Variants in FRMD8 observed in about 807,000 individuals in gnomAD.
FRMD8 encodes the protein FERM domain-containing protein 8.
In FRMD8, 37 loss-of-function variants were observed where a neutral mutation model predicts 54.2. The ratio of observed to expected loss-of-function variants is 0.68; its 90% CI spans 0.53 to 0.90. The LOEUF (loss-of-function observed/expected upper bound fraction) is 0.90, where lower values mean the gene tolerates loss of function less well. Among genes scored for constraint, FRMD8 ranks in the 40% least tolerant of loss-of-function variants. FRMD8 has a pLI of 0.00. For synonymous variants in FRMD8, 246 were observed against 286.9 expected (o/e 0.86, Z 1.44); for missense variants, 585 against 653.7 (o/e 0.89, Z 1.15).
intron 2 of FRMD8, 145 bp downstream of exon 2, chr11:65,387,266 CAGA>C: frequency 1.3e-6 from 1 of 782,386 alleles, no homozygotes; most frequent in Middle Eastern, 2.2e-4. Flanking sequence ...GGAAAACTCA[CAGA>C]AGTCAGAGGC....
chr11:65,406,097 G>A (rs1036869028), intron 10 of FRMD8, among the ~76,000 whole-genome samples: 2 of 149,248 alleles, frequency 1.3e-5, no homozygotes, highest in African/African-American at 4.9e-5. Flanking sequence ...GCATGATCTC[G>A]GCTCACTGCA....
rs116662422 is a variant in FRMD8, at chr11:65,396,019, G to T, written c.582-780G>T. On this transcript the variant is annotated intron_variant, in intron 6 of 10. Transcript: ENST00000317568. ...GTGTGTCTGTGTGCCCTCGCAGGTG[G>T]GGGTCAGGGACCTCTGCAGTGCCGG... is the stretch of plus-strand genomic sequence containing the variant. Among the ~76,000 whole-genome samples the T allele has an allele frequency of 4.7e-3, 709 of 152,338 alleles. 7 individuals are homozygous for T. The highest frequency in any genetic ancestry group is 0.015 in the African/African-American group (633 of 41,578).
At chr11:65,409,230 G>A (rs1407407657) in intron 10 of FRMD8, among the ~76,000 whole-genome samples, 5 of 152,022 alleles carry the variant, frequency 3.3e-5, no homozygotes. Flanking sequence ...GGGATTGCAG[G>A]CGCCCACCAC....
the FRMD8 span, chr11:65,378,721 G>A: frequency 6.6e-6 from 1 of 152,396 alleles, no homozygotes; most frequent in Non-Finnish European, 1.5e-5. Flanking sequence ...CTTGCGGCTG[G>A]GGTGTCAGTG....
chr11:65,396,013 C>T (rs906625261), intron 6 of FRMD8, among the ~76,000 whole-genome samples: 3 of 152,212 alleles, frequency 2.0e-5, no homozygotes, highest in Non-Finnish European at 4.4e-5. Flanking sequence ...TGTGCCCTCG[C>T]AGGTGGGGGT....
upstream of FRMD8, chr11:65,382,061 C>T (rs549930266): frequency 3.7e-5 from 37 of 1,006,338 alleles, no homozygotes; most frequent in Middle Eastern, 2.5e-4. This position sits in a 1 kb window ranked among gnomAD's most constrained non-coding sequence, Gnocchi z 4.4. Context: ...TTAACCCTGG[C>T]GGGAAGGTGA....
the FRMD8 span, among the ~76,000 whole-genome samples, chr11:65,370,463 A>G: frequency 6.6e-6 from 1 of 152,134 alleles, no homozygotes; most frequent in Non-Finnish European, 1.5e-5. Context: ...GCACTTTGGG[A>G]GGCCGAGGCA....
Position 65,400,657 on chromosome 11 carries a change from T to G in FRMD8, c.928-67T>G. ...CACACACCCTGGCCAGGTGTCTGAG[T>G]GGGATGGGGTGGGGAGCAGACCTCT... On this transcript the variant is annotated intron_variant, in intron 8 of 10. Transcript: ENST00000317568. The surrounding 1 kb of genome is among the most constrained non-coding windows in gnomAD (Gnocchi z 4.3). 1 of 1,444,700 alleles carries G rather than the reference T, an allele frequency of 6.9e-7. No homozygotes were observed. The highest frequency in any genetic ancestry group is 9.2e-7 in the Non-Finnish European group (1 of 1,088,982). 89.5% of individuals were successfully genotyped at this position (1,444,700 alleles called of 1,614,324 possible).
chr11:65,379,894 G>A, the FRMD8 span: 1 of 1,614,224 alleles, frequency 6.2e-7, no homozygotes, highest in Non-Finnish European at 8.5e-7. Flanking sequence ...TCTTGACCAT[G>A]CAATCAACGA....
intron 6 of FRMD8, among the ~76,000 whole-genome samples, chr11:65,395,796 GT>G (rs1288440810): frequency 3.3e-5 from 5 of 152,228 alleles, no homozygotes; most frequent in Non-Finnish European, 7.3e-5. Context: ...GGTTATAAAA[GT>G]TCCACCAGTT....
chr11:65,391,400 C>T lies in FRMD8; in HGVS notation c.253+1872C>T, dbSNP rs568362810. 2.6e-5 allele frequency among the ~76,000 whole-genome samples: 4 copies of T among 152,318 alleles called. No homozygotes were observed. The East Asian group carries it at 5.8e-4, about 22-fold the overall frequency. On this transcript the variant is annotated intron_variant, in intron 3 of 10. Transcript: ENST00000317568. ...TCCCTAGGCCCCATCTTGTCAGTTA[C>T]TGTGCTTGTTCCACAAGGACGTGCA...
rs980184243 is a variant in FRMD8 at position 65,399,289 on chromosome 11, G to A, written c.804-447G>A. ...GCTGAGATCACAGGCATGAGCCACC[G>A]CGCCCAGCCTCTTCTCAGTTTTGAG... is the stretch of plus-strand genomic sequence containing the variant. On this transcript the variant is annotated intron_variant, in intron 7 of 10. Transcript: ENST00000317568. Among the ~76,000 whole-genome samples the A allele has an allele frequency of 2.0e-5, 3 of 152,076 alleles. No homozygotes were observed. In the South Asian group the frequency reaches 6.2e-4, roughly 32 times the overall value.
At chr11:65,379,630 C>T in the FRMD8 span, 18 of 1,481,904 alleles carry the variant, frequency 1.2e-5, no homozygotes, top group Admixed American at 1.7e-4. Flanking sequence ...CCACCCCTGG[C>T]AAGGCAGCCT....
chr11:65,376,427 G>C, the FRMD8 span: 1 of 1,613,950 alleles, frequency 6.2e-7, no homozygotes, highest in South Asian at 1.1e-5. Flanking sequence ...CAGCGGAGGA[G>C]ATATTCGTAG....
chr11:65,376,283 G>T, the FRMD8 span: 1 of 1,246,382 alleles, frequency 8.0e-7, no homozygotes, highest in Non-Finnish European at 1.1e-6. Context: ...GCGGGTGGGA[G>T]GCACCTTGGT....
At chr11:65,379,877 C>A in the FRMD8 span, 6 of 1,614,184 alleles carry the variant, frequency 3.7e-6, no homozygotes, top group South Asian at 2.2e-5. Context: ...GGACTCATGG[C>A]GGTAAATCTT....
chr11:65,369,114 G>A, the FRMD8 span, among the ~76,000 whole-genome samples: 5 of 152,246 alleles, frequency 3.3e-5, no homozygotes, highest in African/African-American at 4.8e-5. Flanking sequence ...TCTTGGACCC[G>A]CCCCAAGCCT....
chr11:65,404,233 G>A lies in FRMD8; in HGVS notation c.1072-631G>A, dbSNP rs1396261337. Among the ~76,000 whole-genome samples, 1 of 152,188 alleles carries A rather than the reference G, an allele frequency of 6.6e-6. No individual in the cohort carries two copies. Among genetic ancestry groups the A allele is most frequent in the East Asian group, 1.9e-4 (1 of 5,200 alleles). On this transcript the variant is annotated intron_variant, in intron 9 of 10. Transcript: ENST00000317568. The surrounding 1 kb of genome is among the most constrained non-coding windows in gnomAD (Gnocchi z 4.7). ...GCCTGCAGCAGTGCTTGGCACGTGG[G>A]AGGCACTCAGGAAATACCTGTGTCC... is the stretch of plus-strand genomic sequence containing the variant.
intron 10 of FRMD8, among the ~76,000 whole-genome samples, chr11:65,409,598 C>T (rs1294619839): frequency 1.3e-5 from 2 of 151,862 alleles, no homozygotes; most frequent in Non-Finnish European, 2.9e-5. Context: ...ATAGCAAGAC[C>T]GCATCTCTAT....
Sources: gnomAD v4.1 joint callset for allele counts (sites outside exome capture counted in the v4.1 genomes callset) on GRCh38, gnomAD v4.1.1 for gene constraint, Gnocchi (gnomAD v3.1) non-coding constraint, MANE v1.5 for transcripts, NCBI Gene and HGNC (gene_info 2026-07-23, HGNC 2026-07-21) for gene names.